FBN2: variants seen among roughly 807,000 people sequenced by gnomAD.
FBN2 encodes the protein fibrillin-2.
FBN2 carries 105 observed loss-of-function variants against 355.6 expected under a neutral mutation model. That is an observed-to-expected ratio of 0.30 (90% CI 0.25 to 0.35). The LOEUF (loss-of-function observed/expected upper bound fraction) is 0.35. Ranked by LOEUF, FBN2 falls within the 10% of genes least tolerant of loss-of-function variation. The probability of loss-of-function intolerance (pLI) is 1.00; values close to 1 mark genes in which losing one functional copy is unlikely to be tolerated. For synonymous variants in FBN2, 1,350 were observed against 1,301.2 expected (o/e 1.04, Z -0.81); for missense variants, 3,280 against 3,758.7 (o/e 0.87, Z 3.33).
At chr5:128,351,091 T>C in intron 20 of FBN2, 86 bp from the exon 21 acceptor site, 2 of 1,525,784 alleles carry the variant, frequency 1.3e-6, no homozygotes, top group Non-Finnish European at 1.8e-6. Context: ...TTTGTTACAG[T>C]ATTCTAAAAA....
At chr5:128,302,887 T>A in intron 46 of FBN2, 86 bp downstream of exon 46, 1 of 817,238 alleles carries the variant, frequency 1.2e-6, no homozygotes, top group Non-Finnish European at 2.1e-6. Flanking sequence ...AATATAATTT[T>A]TTTTTGTTCT....
intron 3 of FBN2, 140 bp from the exon 4 acceptor site, chr5:128,528,107 A>G (rs1756611543): frequency 1.5e-6 from 1 of 675,992 alleles, no homozygotes. Context: ...TGACCCAAAC[A>G]TATTTTTATT....
chr5:128,312,002 C>T, intron 37 of FBN2, 49 bp from the exon 38 acceptor site: 1 of 1,299,832 alleles, frequency 7.7e-7, no homozygotes, highest in Non-Finnish European at 1.1e-6. Flanking sequence ...GTCCAAGTGG[C>T]TGAGACAATG....
chr5:128,537,826 G>A lies in FBN2; in HGVS notation c.-223C>T. The A allele has an allele frequency of 3.3e-6, 2 of 600,468 alleles. No homozygotes were observed. Among genetic ancestry groups the A allele is most frequent in the Non-Finnish European group, 5.9e-6 (2 of 338,760 alleles). The allele number at this position is 600,468 out of a possible 1,614,324, so 37.2% of individuals were successfully genotyped here. A position where few individuals can be genotyped will look rare whatever the true frequency, so the allele number is the denominator to read the frequency against. ...GGGCGCCGGGTCTAGCGCAGTGAGC[G>A]GCGAGGCGCGGCGGAGGTGCAGCCG... On this transcript the variant is annotated 5_prime_UTR_variant, in exon 1 of 65. Coordinates refer to ENST00000262464, the MANE Select transcript of FBN2 (RefSeq NM_001999.4).
At position 128,290,828 on chromosome 5, in the gene FBN2, T is replaced by C. The variant is rs2126821327; in HGVS notation, c.6349A>G (p.Lys2117Glu). ...NFENGKCSVPKAFNTTKAKCC... is the reference protein window; with the variant it reads ...NFENGKCSVPEAFNTTKAKCC... ...TTTGCTTTTGTGGTGTTGAAAGCTT[T>C]GGGTACAGAACACTTTCCATTTTCA... The change falls in exon 50 of 65, where the codon AAA (lysine) becomes GAA (glutamate). Residue 2117 changes from lysine (K) to glutamate (E), a missense_variant. Lys to Glu is a moderately conservative substitution (Grantham distance 56). Around this residue, in one of 6 missense-constraint regions of FBN2, gnomAD observed 2,284 missense variants for 2,749.5 expected, o/e 0.83. Transcript: ENST00000262464. The C allele has an allele frequency of 1.9e-6, 3 of 1,614,094 alleles. No homozygotes were observed. The highest frequency in any genetic ancestry group is 2.5e-6 in the Non-Finnish European group (3 of 1,179,940).
chr5:128,522,134 T>C (rs1270285259), intron 4 of FBN2, among the ~76,000 whole-genome samples: 1 of 152,030 alleles, frequency 6.6e-6, no homozygotes, highest in Non-Finnish European at 1.5e-5. Flanking sequence ...TGTAAAGGGA[T>C]CCTATGAACA....
At chr5:128,393,488 G>T in intron 9 of FBN2, 120 bp from the exon 10 acceptor site, 1 of 767,356 alleles carries the variant, frequency 1.3e-6, no homozygotes, top group Non-Finnish European at 2.2e-6. Flanking sequence ...GATTAAGTAG[G>T]TTACTATCTC....
intron 41 of FBN2, among the ~76,000 whole-genome samples, chr5:128,309,019 CA>C (rs977289752): frequency 6.6e-6 from 1 of 152,188 alleles, no homozygotes; most frequent in African/African-American, 2.4e-5. Context: ...AACTCTTCAG[CA>C]ATGGATCTTA....
At chr5:128,321,665 G>A (rs1750378735) in intron 34 of FBN2, among the ~76,000 whole-genome samples, 1 of 152,128 alleles carries the variant, frequency 6.6e-6, no homozygotes, top group Non-Finnish European at 1.5e-5. Context: ...GTGTATATGT[G>A]CCACATTTTC....
Position 128,310,112 on chromosome 5 carries a change from G to C in FBN2, c.5075-4C>G, listed in dbSNP as rs779999668. 6 of 1,608,124 alleles carry C rather than the reference G, an allele frequency of 3.7e-6. No homozygotes were observed. In the East Asian group the frequency reaches 1.3e-4, roughly 36 times the overall value. ...TGTGCAAAACACTCATCAATATCTA[G>C]AGTAGGCAAGAATATCTATTAATTA... On this transcript the variant is annotated splice_polypyrimidine_tract_variant and splice_region_variant and intron_variant, in intron 39 of 64. Coordinates refer to ENST00000262464, the MANE Select transcript of FBN2 (RefSeq NM_001999.4).
chr5:128,502,526 G>C (rs1755846968), intron 5 of FBN2, among the ~76,000 whole-genome samples: 1 of 152,092 alleles, frequency 6.6e-6, no homozygotes, highest in African/African-American at 2.4e-5. Flanking sequence ...TACACAATAA[G>C]AAGGCACTCA....
At chr5:128,444,776 C>T (rs1754023358) in intron 7 of FBN2, among the ~76,000 whole-genome samples, 2 of 152,162 alleles carry the variant, frequency 1.3e-5, no homozygotes, top group South Asian at 2.1e-4. Context: ...CATAGAAAAG[C>T]CTCATTCCAT....
At chr5:128,533,130 T>C (rs1756749702) in intron 2 of FBN2, among the ~76,000 whole-genome samples, 1 of 152,146 alleles carries the variant, frequency 6.6e-6, no homozygotes, top group African/African-American at 2.4e-5. Flanking sequence ...TGCCATGGAG[T>C]TGACTCTTAC....
intron 5 of FBN2, among the ~76,000 whole-genome samples, chr5:128,514,173 T>C (rs757821917): frequency 6.6e-6 from 1 of 152,162 alleles, no homozygotes; most frequent in Non-Finnish European, 1.5e-5. Context: ...GCAAAATAAA[T>C]ATCAGCTTAG....
At chr5:128,517,898 A>G (rs1020647412) in intron 5 of FBN2, among the ~76,000 whole-genome samples, 2 of 152,214 alleles carry the variant, frequency 1.3e-5, no homozygotes, top group Non-Finnish European at 2.9e-5. Flanking sequence ...GGAAAAATGC[A>G]CTGAGGATGT....
intron 25 of FBN2, among the ~76,000 whole-genome samples, chr5:128,340,219 C>A (rs149529304): frequency 6.6e-6 from 1 of 152,214 alleles, no homozygotes; most frequent in East Asian, 1.9e-4. Flanking sequence ...TGCCCCACTA[C>A]GATCTCTTTA....
intron 6 of FBN2, among the ~76,000 whole-genome samples, chr5:128,452,773 A>G (rs148672594): frequency 7.9e-5 from 12 of 152,130 alleles, no homozygotes; most frequent in Admixed American, 2.0e-4. Flanking sequence ...CGGGTTTGTT[A>G]TGTGAATATA....
In FBN2 at chr5:128,349,426, G is replaced by T; in HGVS notation, c.2910C>A (p.Arg970=). ...EVFPGVCPNG[R]CVNSKGSFHC... Reference sequence around the variant, plus strand: ...GAAAAGATCCCTTACTGTTGACACAGCGTCCATTTGGACAAACGCCAGGGA... The same window carrying T: ...GAAAAGATCCCTTACTGTTGACACATCGTCCATTTGGACAAACGCCAGGGA... Residue 970 remains arginine, a synonymous_variant, in exon 23 of 65, where the codon CGC becomes CGA. Coordinates refer to ENST00000262464, the MANE Select transcript of FBN2 (RefSeq NM_001999.4). 1.2e-6 allele frequency: 2 copies of T among 1,613,964 alleles called. No homozygotes were observed. The highest frequency in any genetic ancestry group is 1.7e-6 in the Non-Finnish European group (2 of 1,179,910).
chr5:128,517,817 T>C (rs1194827401), intron 5 of FBN2, among the ~76,000 whole-genome samples: 1 of 152,166 alleles, frequency 6.6e-6, no homozygotes, highest in Non-Finnish European at 1.5e-5. Context: ...AATATTTCAT[T>C]GACATAATTT....
Sources: allele counts gnomAD v4.1 joint callset (sites outside exome capture counted in the v4.1 genomes callset), GRCh38; gene constraint gnomAD v4.1.1; regional missense constraint gnomAD v4.1.1; transcripts MANE v1.5; gene names NCBI Gene and HGNC (gene_info 2026-07-23, HGNC 2026-07-21).